The following CABIN1 variants were observed in gnomAD, a reference collection of about 807,000 sequenced individuals.
CABIN1 encodes the protein calcineurin-binding protein cabin-1.
CABIN1 carries 133 observed loss-of-function variants against 227.7 expected under a neutral mutation model. The ratio of observed to expected loss-of-function variants is 0.58; its 90% CI spans 0.51 to 0.67. The LOEUF is 0.67. CABIN1 is among the 30% of genes least tolerant of loss of function. CABIN1 has a pLI of 0.00. For synonymous variants in CABIN1, 1,086 were observed against 1,155.1 expected (o/e 0.94, Z 1.21); for missense variants, 2,408 against 2,852.5 (o/e 0.84, Z 3.55).
chr22:24,129,959 A>G (rs2043974768), intron 28 of CABIN1, among the ~76,000 whole-genome samples: 1 of 152,182 alleles, frequency 6.6e-6, no homozygotes, highest in African/African-American at 2.4e-5. Context: ...TAAGCAGAGG[A>G]GTTAGATGTC....
rs556919420 is a variant in CABIN1, at chr22:24,055,349, G to A, written c.1093+190G>A. On this transcript the variant is annotated intron_variant, in intron 9 of 36. Transcript: ENST00000263119. Reference sequence around the variant, plus strand: ...GCTCACAGTGCCACTGCCCGTCAGGGCCATTTCAGCTCTGAAGCCCTGCAG... The same window carrying A: ...GCTCACAGTGCCACTGCCCGTCAGGACCATTTCAGCTCTGAAGCCCTGCAG... 8.5e-5 allele frequency among the ~76,000 whole-genome samples: 13 copies of A among 152,376 alleles called. No homozygotes were observed. In the East Asian group the frequency reaches 2.5e-3, roughly 29 times the overall value.
intron 18 of CABIN1, among the ~76,000 whole-genome samples, chr22:24,074,612 A>G (rs1001805450): frequency 2.0e-5 from 3 of 152,132 alleles, no homozygotes; most frequent in Admixed American, 6.6e-5. Flanking sequence ...GGGATAAAAC[A>G]CACTATGGTT....
chr22:24,042,969 C>T lies in CABIN1; in HGVS notation c.411C>T (p.Leu137=). The T allele has an allele frequency of 6.2e-7, 1 of 1,613,772 alleles. No individual in the cohort carries two copies. Among genetic ancestry groups the T allele is most frequent in the Admixed American group, 1.7e-5 (1 of 59,970 alleles). Residue 137 remains leucine (L), a synonymous_variant, in exon 6 of 37, where the codon CTC becomes CTT. Coordinates refer to ENST00000263119, the MANE Select transcript of CABIN1 (RefSeq NM_012295.4). ...AGATTGGACATGTGGCCCTGAGGCT[C>T]ATCCGGATCCCCCTGGCTCGCCATG... ...WYKIGHVALR[L]IRIPLARHAF...
At chr22:24,013,197 C>CTT (rs35584227) in intron 1 of CABIN1, among the ~76,000 whole-genome samples, 8,390 of 113,500 alleles carry the variant, frequency 0.074, 1,151 homozygotes, top group African/African-American at 0.17. Context: ...TCTTTTTAAG[C>CTT]TTTTTTTTTT....
chr22:24,126,193 G>T (rs1290928690), intron 28 of CABIN1, among the ~76,000 whole-genome samples: 1 of 152,232 alleles, frequency 6.6e-6, no homozygotes, highest in Non-Finnish European at 1.5e-5. Context: ...TGGTTGTCAC[G>T]CAGGAGGTTC....
At chr22:24,144,738 CTG>C (rs1222325953) in intron 29 of CABIN1, among the ~76,000 whole-genome samples, 2 of 152,372 alleles carry the variant, frequency 1.3e-5, no homozygotes, top group African/African-American at 4.8e-5. Flanking sequence ...CCTGTTCAGA[CTG>C]TTGGTGGAGG....
In CABIN1 at chr22:24,177,660, C is replaced by G. The variant is rs1396531693; in HGVS notation, c.6362C>G (p.Pro2121Arg). The change falls in exon 36 of 37, where the codon CCC (proline) becomes CGC (arginine). Residue 2121 changes from proline to arginine, a missense_variant. By Grantham distance (103) the Pro-to-Arg change is moderately radical (BLOSUM62 -2). Around this residue, in one of 3 missense-constraint regions of CABIN1, gnomAD observed 714 missense variants for 773.8 expected, o/e 0.92. Transcript: ENST00000263119. The surrounding 1 kb of genome is among the most constrained non-coding windows in gnomAD (Gnocchi z 4.4). The part of the protein sequence containing the change: ...PPEGHPGKPE[P>R]SRAKSRPLPN... Reference sequence around the variant, plus strand: ...GAGGGTCACCCAGGCAAGCCTGAGCCCAGCCGGGCTAAGTCCCGCCCCCTG... The same window carrying G: ...GAGGGTCACCCAGGCAAGCCTGAGCGCAGCCGGGCTAAGTCCCGCCCCCTG... 1.2e-6 allele frequency: 2 copies of G among 1,613,874 alleles called. No homozygotes were observed. The highest frequency in any genetic ancestry group is 2.2e-5 in the South Asian group (2 of 91,078).
intron 26 of CABIN1, among the ~76,000 whole-genome samples, chr22:24,109,341 C>T (rs1447201582): frequency 1.3e-5 from 2 of 151,584 alleles, no homozygotes; most frequent in Non-Finnish European, 2.9e-5. Context: ...CCTCCCACCT[C>T]AGCCTCCCAA....
intron 1 of CABIN1, among the ~76,000 whole-genome samples, chr22:24,033,445 C>T (rs1171938813): frequency 6.6e-6 from 1 of 152,202 alleles, no homozygotes; most frequent in Non-Finnish European, 1.5e-5. Context: ...ATTACATGAG[C>T]CACTGTGTCC....
At chr22:24,016,438 A>T (rs186231660) in intron 1 of CABIN1, among the ~76,000 whole-genome samples, 2 of 152,292 alleles carry the variant, frequency 1.3e-5, no homozygotes, top group Non-Finnish European at 2.9e-5. Context: ...TTATGTTGCT[A>T]TGAACATTGC....
intron 24 of CABIN1, among the ~76,000 whole-genome samples, chr22:24,095,459 C>T (rs774756364): frequency 3.7e-5 from 4 of 107,142 alleles, no homozygotes; most frequent in African/African-American, 1.1e-4. Context: ...AAGACGTTTT[C>T]GAGGCCTGTG....
chr22:24,090,099 C>T (rs1055986950), intron 23 of CABIN1, among the ~76,000 whole-genome samples: 1 of 152,210 alleles, frequency 6.6e-6, no homozygotes, highest in African/African-American at 2.4e-5. Context: ...CCTCCTTTTC[C>T]TGTCTGAGGT....
At chr22:24,020,713 C>T (rs1012300895) in intron 1 of CABIN1, among the ~76,000 whole-genome samples, 1 of 152,096 alleles carries the variant, frequency 6.6e-6, no homozygotes, top group Non-Finnish European at 1.5e-5. Flanking sequence ...ATAGACACAC[C>T]TTTCTTCTGT....
intron 33 of CABIN1, among the ~76,000 whole-genome samples, chr22:24,171,402 C>T (rs1202157175): frequency 2.0e-5 from 3 of 152,184 alleles, no homozygotes; most frequent in Non-Finnish European, 4.4e-5. Context: ...CAGACTGGCA[C>T]CCTGTGGTGT....
intron 1 of CABIN1, among the ~76,000 whole-genome samples, chr22:24,027,017 G>A (rs888427876): frequency 3.3e-5 from 5 of 152,176 alleles, no homozygotes; most frequent in African/African-American, 9.7e-5. Flanking sequence ...GTTCTTCAAC[G>A]TGGTATGTCT....
At chr22:24,027,956 A>G (rs1390907839) in intron 1 of CABIN1, among the ~76,000 whole-genome samples, 1 of 150,204 alleles carries the variant, frequency 6.7e-6, no homozygotes, top group Non-Finnish European at 1.5e-5. Flanking sequence ...TTTTTTTTTA[A>G]TCATTACAGT....
At chr22:24,074,728 A>G (rs2040322904) in intron 18 of CABIN1, among the ~76,000 whole-genome samples, 2 of 152,256 alleles carry the variant, frequency 1.3e-5, no homozygotes, top group Non-Finnish European at 2.9e-5. Flanking sequence ...TTTATAAGGA[A>G]GGCGGAGGAA....
chr22:24,021,036 GT>G (rs1254241313), intron 1 of CABIN1, among the ~76,000 whole-genome samples: 1 of 151,530 alleles, frequency 6.6e-6, no homozygotes, highest in African/African-American at 2.4e-5. Context: ...GTCTCACTGT[GT>G]ATCCCAGGCT....
At chr22:24,023,929 C>T (rs2035902798) in intron 1 of CABIN1, among the ~76,000 whole-genome samples, 1 of 152,006 alleles carries the variant, frequency 6.6e-6, no homozygotes, top group Non-Finnish European at 1.5e-5. Context: ...GATGGGGTTT[C>T]ACCATGTTGG....
Sources: gnomAD v4.1 joint callset for allele counts (sites outside exome capture counted in the v4.1 genomes callset) on GRCh38, gnomAD v4.1.1 for gene constraint, gnomAD v4.1.1 regional missense constraint, Gnocchi (gnomAD v3.1) non-coding constraint, MANE v1.5 for transcripts, NCBI Gene and HGNC (gene_info 2026-07-23, HGNC 2026-07-21) for gene names.